CRB1: variants seen among roughly 807,000 people sequenced by gnomAD.
CRB1 encodes crumbs cell polarity complex component 1.
CRB1 carries 83 observed loss-of-function variants against 120.0 expected under a neutral mutation model. The observed-to-expected ratio is 0.69, with a 90% CI of 0.58 to 0.83. The LOEUF (loss-of-function observed/expected upper bound fraction) is 0.83, where lower values mean the gene tolerates loss of function less well. CRB1 is among the 40% of genes least tolerant of loss of function. CRB1 has a pLI of 0.00. For missense variants in CRB1, 1,699 were observed against 1,687.6 expected, an observed-to-expected ratio of 1.01 and a Z score of -0.12; for synonymous variants, 625 against 612.5, an observed-to-expected ratio of 1.02 and a Z score of -0.30.
chr1:197,373,792 T>TA (rs1661501039), intron 5 of CRB1, among the ~76,000 whole-genome samples: 1 of 152,194 alleles, frequency 6.6e-6, no homozygotes, highest in Non-Finnish European at 1.5e-5. Context: ...GTCCATTGAA[T>TA]ATGTTTACTA....
intron 5 of CRB1, among the ~76,000 whole-genome samples, chr1:197,374,446 C>T (rs1162862357): frequency 7.2e-5 from 11 of 151,896 alleles, no homozygotes; most frequent in Non-Finnish European, 2.9e-5. Context: ...TTTTTCTTGC[C>T]CCCCCTGCAT....
Position 197,427,834 on chromosome 1 carries a change from G to C in CRB1, c.2509G>C (p.Asp837His), listed in dbSNP as rs62636289. The C allele has an allele frequency of 1.2e-6, 2 of 1,614,026 alleles. No individual in the cohort carries two copies. The highest frequency in any genetic ancestry group is 1.7e-6 in the Non-Finnish European group (2 of 1,179,988). ...GDVIYIGGLP[D>H]KQETELNGGF... is the part of the protein sequence containing the mutation. ...TGTCATCTACATTGGTGGCCTACCTGACAAGCAAGAGACTGAACTTAATGG... is the reference window on the plus strand; with the variant it reads ...TGTCATCTACATTGGTGGCCTACCTCACAAGCAAGAGACTGAACTTAATGG... The change falls in exon 7 of 12, where the codon GAC becomes CAC. Residue 837 changes from aspartate (D) to histidine (H), a missense_variant. Coordinates refer to ENST00000367400, the MANE Select transcript of CRB1 (RefSeq NM_201253.3).
intron 8 of CRB1, among the ~76,000 whole-genome samples, chr1:197,429,892 A>C (rs1266061749): frequency 6.6e-6 from 1 of 152,158 alleles, no homozygotes; most frequent in Non-Finnish European, 1.5e-5. Flanking sequence ...CAATATTTGA[A>C]TTTCCTTCCC....
chr1:197,347,607 T>C, intron 4 of CRB1, 128 bp downstream of exon 4: 1 of 1,019,694 alleles, frequency 9.8e-7, no homozygotes, highest in Non-Finnish European at 1.4e-6. Flanking sequence ...GCTAATATTG[T>C]TTAGTTTTAT....
At chr1:197,202,983 C>CTGTG in the CRB1 span, among the ~76,000 whole-genome samples, 779 of 139,300 alleles carry the variant, frequency 5.6e-3, 3 homozygotes, top group Non-Finnish European at 9.3e-3. Context: ...GTGTGTGTGT[C>CTGTG]TGTGTGTGTG....
At chr1:197,354,029 A>AC (rs1233380021) in intron 4 of CRB1, among the ~76,000 whole-genome samples, 2 of 150,918 alleles carry the variant, frequency 1.3e-5, no homozygotes, top group African/African-American at 4.8e-5. Flanking sequence ...GTAAAAAAAA[A>AC]AAAAAACACC....
At chr1:197,404,441 C>CAAAAAAAAAAAAAAAAAAAAA (rs558125777) in intron 5 of CRB1, among the ~76,000 whole-genome samples, 1 of 58,718 alleles carries the variant, frequency 1.7e-5, no homozygotes, top group African/African-American at 5.9e-5. Flanking sequence ...GACTCCGTCT[C>CAAAAAAAAAAAAAAAAAAAAA]AAAAAAAAAA....
At position 197,427,597 on chromosome 1, in the gene CRB1, A is replaced by T. The variant is rs201700675; in HGVS notation, c.2272A>T (p.Ser758Cys). ...AGGCTTACTTCTAGCTTTGGAAAAC[A>T]GCACTTATCAATATATCCGTGTCTG... Reference protein sequence around the residue: ...PSGLLLALENSTYQYIRVWLE... With the variant: ...PSGLLLALENCTYQYIRVWLE... The change falls in exon 7 of 12, where the codon AGC becomes TGC. Residue 758 changes from serine to cysteine, a missense_variant. Coordinates refer to ENST00000367400, the MANE Select transcript of CRB1 (RefSeq NM_201253.3). 56 of 1,613,932 alleles carry T rather than the reference A, an allele frequency of 3.5e-5. No individual in the cohort carries two copies. The highest frequency in any genetic ancestry group is 4.6e-5 in the Non-Finnish European group (54 of 1,180,010).
intron 5 of CRB1, among the ~76,000 whole-genome samples, chr1:197,410,013 C>T (rs1663622287): frequency 6.6e-6 from 1 of 152,162 alleles, no homozygotes; most frequent in African/African-American, 2.4e-5. Flanking sequence ...TCTCGATCTC[C>T]TGACCTCGTG....
the CRB1 span, among the ~76,000 whole-genome samples, chr1:197,253,336 G>A: frequency 2.6e-5 from 4 of 152,060 alleles, no homozygotes; most frequent in South Asian, 4.1e-4. Flanking sequence ...AAAATGGCAC[G>A]TATTTTATGA....
intron 9 of CRB1, among the ~76,000 whole-genome samples, chr1:197,436,039 G>A (rs1231553801): frequency 6.6e-6 from 1 of 152,084 alleles, no homozygotes; most frequent in Non-Finnish European, 1.5e-5. Flanking sequence ...CCCGAAAACA[G>A]TACATTAAAG....
the CRB1 span, among the ~76,000 whole-genome samples, chr1:197,201,617 G>T: frequency 6.6e-6 from 1 of 152,214 alleles, no homozygotes; most frequent in South Asian, 2.1e-4. Context: ...GAGGGCAATG[G>T]GAGAGGGGAG....
At chr1:197,466,270 G>T (rs1164603928) in intron 11 of CRB1, among the ~76,000 whole-genome samples, 1 of 152,154 alleles carries the variant, frequency 6.6e-6, no homozygotes, top group Non-Finnish European at 1.5e-5. Flanking sequence ...TTTAATGCAG[G>T]TCTGAGGCAT....
chr1:197,332,422 A>G (rs1658913485), intron 2 of CRB1, among the ~76,000 whole-genome samples: 1 of 152,328 alleles, frequency 6.6e-6, no homozygotes, highest in African/African-American at 2.4e-5. Flanking sequence ...CTATGAAATC[A>G]GCTACATGTT....
chr1:197,226,764 G>A, the CRB1 span, among the ~76,000 whole-genome samples: 502 of 152,202 alleles, frequency 3.3e-3, 4 homozygotes, highest in East Asian at 0.02. Context: ...CTCAAGATTG[G>A]GAAGAAAAAG....
the CRB1 span, chr1:197,223,136 T>C: frequency 1.1e-6 from 1 of 883,350 alleles, no homozygotes; most frequent in Non-Finnish European, 1.9e-6. Context: ...CATGATACTT[T>C]GGATAATGAT....
At chr1:197,439,809 T>C (rs1665345568) in intron 10 of CRB1, 10 of 152,200 alleles carry the variant, frequency 6.6e-5, no homozygotes, top group Admixed American at 6.6e-4. Flanking sequence ...AAGTGCCCTT[T>C]GGATTAATTG....
At chr1:197,289,052 C>T (rs575892668) in intron 1 of CRB1, among the ~76,000 whole-genome samples, 10 of 151,076 alleles carry the variant, frequency 6.6e-5, no homozygotes, top group African/African-American at 1.7e-4. Flanking sequence ...TGAGGAGACC[C>T]GGACAGATGA....
At chr1:197,304,287 T>C in intron 1 of CRB1, 1 of 372,332 alleles carries the variant, frequency 2.7e-6, no homozygotes, top group Non-Finnish European at 3.7e-6. Flanking sequence ...TTAAATGCAA[T>C]TAGATATTTG....
Sources: gnomAD v4.1 joint callset for allele counts (sites outside exome capture counted in the v4.1 genomes callset) on GRCh38, gnomAD v4.1.1 for gene constraint, MANE v1.5 for transcripts, NCBI Gene and HGNC (gene_info 2026-07-23, HGNC 2026-07-21) for gene names.